PLEC: variants seen among roughly 807,000 people sequenced by gnomAD.
The protein encoded by PLEC is plectin, also known as hemidesmosomal protein 1.
Under a neutral mutation model 392.8 loss-of-function variants are expected in PLEC, and 216 were observed. The observed-to-expected ratio is 0.55, with a 90% CI of 0.49 to 0.62. The LOEUF is 0.62. Among genes scored for constraint, PLEC ranks in the 20% least tolerant of loss-of-function variants. PLEC has a pLI of 0.00. For synonymous variants in PLEC, 3,621 were observed against 2,980.6 expected, an observed-to-expected ratio of 1.21 and a Z score of -7.00; for missense variants, 6,863 against 6,563.4, an observed-to-expected ratio of 1.05 and a Z score of -1.58.
Position 143,916,874 on chromosome 8 carries a change from G to A in PLEC, c.12947C>T (p.Ala4316Val), listed in dbSNP as rs782215675. 2 of 1,612,496 alleles carry A rather than the reference G, an allele frequency of 1.2e-6. No homozygotes were observed. Among genetic ancestry groups the A allele is most frequent in the African/African-American group, 1.3e-5 (1 of 74,886 alleles). Reference protein sequence around the residue: ...ITGQRLLEAQACTGGIIDPST... With the variant: ...ITGQRLLEAQVCTGGIIDPST... ...GGGGTCGATGATGCCCCCGGTGCAG[G>A]CCTGCGCCTCCAGCAGCCGCTGCCC... Residue 4316 changes from alanine to valine, a missense_variant, in exon 32 of 32, where the codon GCC becomes GTC. By Grantham distance (64) the Ala-to-Val change is moderately conservative (BLOSUM62 0). Coordinates refer to ENST00000345136, the MANE Select transcript of PLEC (RefSeq NM_201384.3).
At position 143,920,623 on chromosome 8, in the gene PLEC, G is replaced by A. The variant is rs782157372; in HGVS notation, c.9198C>T (p.His3066=). 3 of 1,606,880 alleles carry A rather than the reference G, an allele frequency of 1.9e-6. No homozygotes were observed. The highest frequency in any genetic ancestry group is 1.7e-5 in the Admixed American group (1 of 59,994). The change falls in exon 32 of 32, where the codon CAC becomes CAT. Residue 3066 remains histidine, a synonymous_variant. Transcript: ENST00000345136. ...ALLEAQAGTG[H]IIDPATSARL... is the part of the protein sequence containing the mutation. ...GGGCGCTGGTGGCGGGGTCGATGATGTGCCCGGTGCCGGCCTGGGCTTCCA... is the reference window on the plus strand; with the variant it reads ...GGGCGCTGGTGGCGGGGTCGATGATATGCCCGGTGCCGGCCTGGGCTTCCA...
chr8:143,921,244 G>C lies in PLEC; in HGVS notation c.8577C>G (p.His2859Gln), dbSNP rs200012425. Residue 2859 changes from histidine (H) to glutamine (Q), a missense_variant, in exon 32 of 32, where the codon CAC (histidine) becomes CAG (glutamine). His to Gln is a conservative substitution (Grantham distance 24, BLOSUM62 0). Transcript: ENST00000345136. ...GTAGCTGCAGGTACGTGAGGTTCTC[G>C]TGCGTGTTGGGGTCAAAGAAGCCCT... ...DTKGFFDPNTHENLTYLQLLE... is the reference protein window; with the variant it reads ...DTKGFFDPNTQENLTYLQLLE... The C allele has an allele frequency of 1.9e-6, 3 of 1,614,114 alleles. No homozygotes were observed. The highest frequency in any genetic ancestry group is 2.2e-5 in the South Asian group (2 of 91,088).
upstream of PLEC, chr8:143,943,658 A>T (rs1240213850): frequency 6.2e-5 from 59 of 946,656 alleles, no homozygotes; most frequent in Non-Finnish European, 3.8e-5. Flanking sequence ...GAGGGGCAAC[A>T]CTGCTTTCAC....
Position 143,933,987 on chromosome 8 carries a change from C to T in PLEC, c.1263+11G>A. ...TCCCTCCCGCCCACTGCCTGCCCCA[C>T]ACCCCCTCACCGACTGCAGCAGGGC... On this transcript the variant is annotated intron_variant, in intron 12 of 31. Coordinates refer to ENST00000345136, the MANE Select transcript of PLEC (RefSeq NM_201384.3). 1 of 1,605,446 alleles carries T rather than the reference C, an allele frequency of 6.2e-7. No homozygotes were observed. The highest frequency in any genetic ancestry group is 8.5e-7 in the Non-Finnish European group (1 of 1,176,290).
chr8:143,916,227 C>G lies in PLEC; in HGVS notation c.13594G>C (p.Ala4532Pro). 6.5e-7 allele frequency: 1 copy of G among 1,546,652 alleles called. No homozygotes were observed. The highest frequency in any genetic ancestry group is 2.5e-5 in the East Asian group (1 of 40,772). Residue 4532 changes from alanine to proline, a missense_variant, in exon 32 of 32, where the codon GCC becomes CCC. Transcript: ENST00000345136. ...YSSSGYGRRY[A>P]SGSSASLGGP... ...CCCAGGGAGGCCGAGGACCCCGAGG[C>G]GTAGCGGCGGCCGTAGCCCGAGGAG...
upstream of PLEC, chr8:143,958,609 C>A (rs782450475): frequency 5.2e-5 from 23 of 444,326 alleles, no homozygotes; most frequent in East Asian, 1.3e-3. The surrounding 1 kb of genome is among the most constrained non-coding windows in gnomAD (Gnocchi z 4.9). Context: ...AAGCACTGGA[C>A]AACAGCAGCC....
upstream of PLEC, chr8:143,953,918 A>G: frequency 1.4e-6 from 2 of 1,450,506 alleles, no homozygotes; most frequent in Non-Finnish European, 1.8e-6. Context: ...TCAGCTGATC[A>G]ATGCGCCGGA....
Position 143,917,800 on chromosome 8 carries a change from G to T in PLEC, c.12021C>A (p.Ala4007=), listed in dbSNP as rs555118583. The change falls in exon 32 of 32, where the codon GCC becomes GCA. Residue 4007 remains alanine, a synonymous_variant. Transcript: ENST00000345136. ...GPEFKDKLLS[A]ERAVTGYKDP... ...CCTTGTACCCAGTGACGGCGCGCTC[G>T]GCCGACAGCAGCTTGTCCTTGAACT... The T allele has an allele frequency of 3.7e-6, 6 of 1,613,470 alleles. No individual in the cohort carries two copies. In the East Asian group the frequency reaches 8.9e-5, roughly 24 times the overall value.
At position 143,922,201 on chromosome 8, in the gene PLEC, C is replaced by T; in HGVS notation, c.7620G>A (p.Gln2540=). 1 of 1,552,000 alleles carries T rather than the reference C, an allele frequency of 6.4e-7. No homozygotes were observed. The highest frequency in any genetic ancestry group is 8.7e-7 in the Non-Finnish European group (1 of 1,152,572). ...LREEQQRQQQ[Q]MEQERQRLVA... is the part of the protein sequence containing the mutation. ...CCAGCCGCTGCCGTTCCTGCTCCAT[C>T]TGCTGCTGCTGCCGCTGCTGCTCCT... Residue 2540 remains glutamine (Q), a synonymous_variant, in exon 32 of 32, where the codon CAG becomes CAA. Transcript: ENST00000345136.
intron 1 of PLEC, among the ~76,000 whole-genome samples, chr8:143,971,466 G>A (rs966472042): frequency 1.3e-5 from 2 of 152,154 alleles, no homozygotes; most frequent in African/African-American, 4.8e-5. Context: ...CTCCACCCCA[G>A]GGACAGGAAG....
chr8:143,944,978 T>C (rs1416672805), intron 1 of PLEC, among the ~76,000 whole-genome samples: 1 of 149,344 alleles, frequency 6.7e-6, no homozygotes, highest in Non-Finnish European at 1.5e-5. Context: ...GTCCCCCAGC[T>C]CCCACAGGGG....
At chr8:143,953,773 T>C (rs1554738199), upstream of PLEC, 1 of 1,612,112 alleles carries the variant, frequency 6.2e-7, no homozygotes, top group Non-Finnish European at 8.5e-7. Context: ...GGGGTCCATG[T>C]CTGCGCCGGG....
chr8:143,915,847 A>C lies in PLEC; in HGVS notation c.*330T>G. On this transcript the variant is annotated 3_prime_UTR_variant, in exon 32 of 32. Coordinates refer to ENST00000345136, the MANE Select transcript of PLEC (RefSeq NM_201384.3). The stretch of plus-strand genomic sequence containing the variant: ...TTGGGCCCAGCTGCCCTGTGCAGCT[A>C]GGACTGGCAGGCGGGCTACCCTGGG... The C allele has an allele frequency of 4.6e-6, 1 of 218,190 alleles. No individual in the cohort carries two copies. Among genetic ancestry groups the C allele is most frequent in the Non-Finnish European group, 9.0e-6 (1 of 111,504 alleles). 13.5% of individuals were successfully genotyped at this position (218,190 alleles called of 1,614,324 possible).
chr8:143,922,776 G>C lies in PLEC; in HGVS notation c.7153C>G (p.Leu2385Val). The C allele has an allele frequency of 6.2e-7, 1 of 1,604,384 alleles. No individual in the cohort carries two copies. Among genetic ancestry groups the C allele is most frequent in the Non-Finnish European group, 8.5e-7 (1 of 1,177,764 alleles). ...QLEMSAEAER[L>V]KLRVAEMSRA... Reference sequence around the variant, plus strand: ...CTCATCTCGGCCACACGCAGCTTGAGGCGCTCAGCCTCAGCGCTCATCTCC... The same window carrying C: ...CTCATCTCGGCCACACGCAGCTTGACGCGCTCAGCCTCAGCGCTCATCTCC... Residue 2385 changes from leucine to valine, a missense_variant, in exon 31 of 32, where the codon CTC becomes GTC. Physicochemically the swap from Leu to Val is conservative, Grantham distance 32 (BLOSUM62 1). Transcript: ENST00000345136.
rs1212706018 is a variant in PLEC at position 143,917,199 on chromosome 8, C to T, written c.12622G>A (p.Ala4208Thr). Residue 4208 changes from alanine (A) to threonine (T), a missense_variant, in exon 32 of 32, where the codon GCC (alanine) becomes ACC (threonine). Coordinates refer to ENST00000345136, the MANE Select transcript of PLEC (RefSeq NM_201384.3). ...CGGTCGATGAGGTTCTTGGCGATGG[C>T]ATCATCGATGTCGTACTGGCGCCCG... Reference protein sequence around the residue: ...RSGRQYDIDDAIAKNLIDRSA... With the variant: ...RSGRQYDIDDTIAKNLIDRSA... 4.2e-5 allele frequency: 68 copies of T among 1,612,782 alleles called. No homozygotes were observed. The highest frequency in any genetic ancestry group is 5.4e-5 in the Non-Finnish European group (64 of 1,179,656).
In PLEC at chr8:143,920,384, G is replaced by C. The variant is rs782431012; in HGVS notation, c.9437C>G (p.Pro3146Arg). ...CAGGGGCACGCGGTGGCTCTTGCTGGGGTCCACGATGCCGCCCGTGGACAG... is the reference window on the plus strand; with the variant it reads ...CAGGGGCACGCGGTGGCTCTTGCTGCGGTCCACGATGCCGCCCGTGGACAG... Reference protein sequence around the residue: ...AQLSTGGIVDPSKSHRVPLDV... With the variant: ...AQLSTGGIVDRSKSHRVPLDV... Residue 3146 changes from proline (P) to arginine (R), a missense_variant, in exon 32 of 32, where the codon CCC becomes CGC. Transcript: ENST00000345136. 1 of 1,592,204 alleles carries C rather than the reference G, an allele frequency of 6.3e-7. No homozygotes were observed. Among genetic ancestry groups the C allele is most frequent in the African/African-American group, 1.3e-5 (1 of 74,478 alleles).
chr8:143,926,549 G>C (rs1825252755), intron 30 of PLEC, among the ~76,000 whole-genome samples: 2 of 152,136 alleles, frequency 1.3e-5, no homozygotes, highest in African/African-American at 4.8e-5. Context: ...CGAGGGAGGA[G>C]AGGCGGCACC....
chr8:143,921,504 C>T lies in PLEC; in HGVS notation c.8317G>A (p.Ala2773Thr), dbSNP rs200683827. The T allele has an allele frequency of 2.0e-5, 32 of 1,612,922 alleles. No homozygotes were observed. In the East Asian group the frequency reaches 2.9e-4, roughly 15 times the overall value. The change falls in exon 32 of 32, where the codon GCC becomes ACC. Residue 2773 changes from alanine to threonine, a missense_variant. Coordinates refer to ENST00000345136, the MANE Select transcript of PLEC (RefSeq NM_201384.3). ...LHHKLLSAER[A>T]VTGYKDPYTG... The stretch of plus-strand genomic sequence containing the variant: ...TAGGGGTCCTTGTAGCCAGTGACGG[C>T]GCGCTCGGCCGACAGCAGCTTGTGG...
Position 143,930,609 on chromosome 8 carries a change from C to T in PLEC, c.2305-73G>A, listed in dbSNP as rs547333468. 9 of 1,500,808 alleles carry T rather than the reference C, an allele frequency of 6.0e-6. No individual in the cohort carries two copies. The Admixed American group carries it at 7.9e-5, about 13-fold the overall frequency. The allele number at this position is 1,500,808 out of a possible 1,614,324, so 93.0% of individuals were successfully genotyped here. A position where few individuals can be genotyped will look rare whatever the true frequency, so the allele number is the denominator to read the frequency against. The stretch of plus-strand genomic sequence containing the variant: ...GCCTGCCCCAGGCACCCCCAGACCC[C>T]GGGACCAGGCCTGTGGGGCCCTCCT... On this transcript the variant is annotated intron_variant, in intron 19 of 31. Transcript: ENST00000345136.
Sources: gnomAD v4.1 joint callset for allele counts (sites outside exome capture counted in the v4.1 genomes callset) on GRCh38, gnomAD v4.1.1 for gene constraint, Gnocchi (gnomAD v3.1) non-coding constraint, MANE v1.5 for transcripts, NCBI Gene and HGNC (gene_info 2026-07-23, HGNC 2026-07-21) for gene names.